PCDHGB2: variants seen among roughly 807,000 people sequenced by gnomAD.
PCDHGB2 encodes protocadherin gamma subfamily B, 2, also known as protocadherin gamma-B2.
In PCDHGB2, 55 loss-of-function variants were observed where a neutral mutation model predicts 59.3. The observed-to-expected ratio is 0.93, with a 90% confidence interval of 0.75 to 1.16. PCDHGB2 has a LOEUF of 1.16. Ranked by LOEUF, PCDHGB2 falls within the 50% of genes most tolerant of loss-of-function variation. The pLI is 0.00. For missense variants in PCDHGB2, 1,228 were observed against 1,198.5 expected (o/e 1.02, Z -0.36); for synonymous variants, 516 against 512.0 (o/e 1.01, Z -0.11).
chr5:141,427,693 C>A, intron 1 of PCDHGB2: 2 of 909,726 alleles, frequency 2.2e-6, no homozygotes, highest in East Asian at 2.5e-5. Context: ...GCCTCCATCC[C>A]ACAAGTCAGC....
In PCDHGB2 at chr5:141,371,907, G is replaced by T. The variant is rs776309698; in HGVS notation, c.2421+9351G>T. 9.3e-6 allele frequency: 15 copies of T among 1,613,262 alleles called. No individual in the cohort carries two copies. The highest frequency in any genetic ancestry group is 1.2e-5 in the Non-Finnish European group (14 of 1,179,916). On this transcript the variant is annotated intron_variant, in intron 1 of 3. Coordinates refer to ENST00000522605, the MANE Select transcript of PCDHGB2 (RefSeq NM_018923.3). ...GGAGCCGCGGGAGCTGTCGTCCTAC[G>T]TGTCCGTGAGCGCGCGGAGCGGGGT... is the stretch of plus-strand genomic sequence containing the variant.
intron 1 of PCDHGB2, among the ~76,000 whole-genome samples, chr5:141,429,416 T>A (rs527999196): frequency 6.6e-6 from 1 of 152,230 alleles, no homozygotes; most frequent in Admixed American, 6.5e-5. Flanking sequence ...GGTCTCATTA[T>A]GTTGCCCAGG....
At chr5:141,397,267 A>G (rs1411112086) in intron 1 of PCDHGB2, among the ~76,000 whole-genome samples, 1 of 152,230 alleles carries the variant, frequency 6.6e-6, no homozygotes, top group East Asian at 1.9e-4. Flanking sequence ...TCTTAGCTAC[A>G]TCATATGGGC....
chr5:141,400,068 G>A (rs2093954953), intron 1 of PCDHGB2: 1 of 1,613,706 alleles, frequency 6.2e-7, no homozygotes, highest in African/African-American at 1.3e-5. Flanking sequence ...ATGGTGGACA[G>A]CCGCCACTCT....
chr5:141,375,929 C>T, intron 1 of PCDHGB2: 1 of 1,613,738 alleles, frequency 6.2e-7, no homozygotes, highest in South Asian at 1.1e-5. Context: ...CGAGCCAGGA[C>T]TTTTCTCAGT....
At chr5:141,394,586 G>A in intron 1 of PCDHGB2, 1 of 1,613,888 alleles carries the variant, frequency 6.2e-7, no homozygotes. Context: ...TGACCAAGGT[G>A]GTGGCGGTGG....
intron 1 of PCDHGB2, chr5:141,364,725 G>A (rs775854228): frequency 1.9e-6 from 3 of 1,613,828 alleles, no homozygotes; most frequent in African/African-American, 2.7e-5. Context: ...AACTTCCCGC[G>A]TTTCCGGGAT....
At chr5:141,501,557 G>A (rs192507373) in intron 2 of PCDHGB2, among the ~76,000 whole-genome samples, 1 of 152,124 alleles carries the variant, frequency 6.6e-6, no homozygotes, top group Non-Finnish European at 1.5e-5. Context: ...CATAGGCCCT[G>A]GAATCATATT....
rs2096144450 is a variant in PCDHGB2 at position 141,417,665 on chromosome 5, T to C, written c.2421+55109T>C. On this transcript the variant is annotated intron_variant, in intron 1 of 3. Coordinates refer to ENST00000522605, the MANE Select transcript of PCDHGB2 (RefSeq NM_018923.3). ...CCTCAGCCTCTAGCCTGGGATTCCCTGCGCAGCCAACAACAGAAAAGAAAA... is the reference window on the plus strand; with the variant it reads ...CCTCAGCCTCTAGCCTGGGATTCCCCGCGCAGCCAACAACAGAAAAGAAAA... 3.3e-6 allele frequency: 3 copies of C among 915,730 alleles called. No individual in the cohort carries two copies. In the South Asian group the frequency reaches 5.8e-5, roughly 18 times the overall value. 56.7% of individuals were successfully genotyped at this position (915,730 alleles called of 1,614,324 possible).
chr5:141,479,020 T>C (rs961123768), intron 1 of PCDHGB2, among the ~76,000 whole-genome samples: 1 of 152,236 alleles, frequency 6.6e-6, no homozygotes, highest in African/African-American at 2.4e-5. Flanking sequence ...ATAATTTTCC[T>C]TTGTTTATAC....
intron 2 of PCDHGB2, among the ~76,000 whole-genome samples, chr5:141,495,902 C>T (rs749735668): frequency 2.6e-5 from 4 of 152,120 alleles, no homozygotes; most frequent in Non-Finnish European, 2.9e-5. Context: ...TTGTCTCTGT[C>T]TCTGTATATC....
At chr5:141,400,929 A>G (rs1179035412) in intron 1 of PCDHGB2, among the ~76,000 whole-genome samples, 2 of 152,214 alleles carry the variant, frequency 1.3e-5, no homozygotes, top group Non-Finnish European at 2.9e-5. Flanking sequence ...CTGCTAGTAG[A>G]TGTCTTTCTT....
At chr5:141,389,765 G>C in intron 1 of PCDHGB2, 1 of 1,612,992 alleles carries the variant, frequency 6.2e-7, no homozygotes, top group Non-Finnish European at 8.5e-7. Context: ...TGCGCACAGC[G>C]CGTGCCTTAG....
intron 1 of PCDHGB2, chr5:141,371,961 G>T (rs532361069): frequency 3.1e-6 from 5 of 1,613,240 alleles, no homozygotes; most frequent in Admixed American, 1.7e-5. Flanking sequence ...CTTCGACCAC[G>T]AGCAGCTGCG....
intron 1 of PCDHGB2, chr5:141,422,889 G>A (rs62378455): frequency 0.035 from 55,863 of 1,614,202 alleles, 1,109 homozygotes; most frequent in Middle Eastern, 0.098. Context: ...TGTTCGTGCT[G>A]GACCAGAACG....
intron 1 of PCDHGB2, among the ~76,000 whole-genome samples, chr5:141,472,980 C>CAAAAAAAAAAAAAAAAAGAAAAAA (rs2099309731): frequency 2.3e-5 from 2 of 86,106 alleles, no homozygotes; most frequent in Non-Finnish European, 5.0e-5. Flanking sequence ...GAGTGAAACT[C>CAAAAAAAAAAAAAAAAAGAAAAAA]AAAAAAAAAA....
rs1292783135 is a variant in PCDHGB2 at position 141,374,085 on chromosome 5, T to C, written c.2421+11529T>C. The stretch of plus-strand genomic sequence containing the variant: ...AGAGAAGTTCCTAATAAGCCAGTAA[T>C]GGCGCCTCCGCAGAGGCATCCGCAG... On this transcript the variant is annotated intron_variant, in intron 1 of 3. Coordinates refer to ENST00000522605, the MANE Select transcript of PCDHGB2 (RefSeq NM_018923.3). 12 of 1,528,732 alleles carry C rather than the reference T, an allele frequency of 7.8e-6. No individual in the cohort carries two copies. In the Admixed American group the frequency reaches 2.2e-4, roughly 28 times the overall value. 94.7% of individuals were successfully genotyped at this position (1,528,732 alleles called of 1,614,324 possible).
intron 1 of PCDHGB2, chr5:141,415,428 G>C (rs948747218): frequency 1.2e-6 from 2 of 1,614,088 alleles, no homozygotes; most frequent in Non-Finnish European, 1.7e-6. Context: ...ACGGGGTTCG[G>C]GCTTTCCTGC....
chr5:141,370,845 A>T, intron 1 of PCDHGB2: 1 of 1,614,066 alleles, frequency 6.2e-7, no homozygotes, highest in South Asian at 1.1e-5. Flanking sequence ...CACTGGAGCC[A>T]CATTTGCCCT....
Sources: allele counts gnomAD v4.1 joint callset (sites outside exome capture counted in the v4.1 genomes callset), GRCh38; gene constraint gnomAD v4.1.1; transcripts MANE v1.5; gene names NCBI Gene and HGNC (gene_info 2026-07-23, HGNC 2026-07-21).